CLIC6: variants seen among roughly 807,000 people sequenced by gnomAD.
CLIC6 encodes CLIC family member 6.
A neutral mutation model predicts 49.2 loss-of-function variants in CLIC6; 39 were observed. The ratio of observed to expected loss-of-function variants is 0.79; its 90% CI spans 0.61 to 1.04. The LOEUF (loss-of-function observed/expected upper bound fraction) is 1.04. Ranked by LOEUF, CLIC6 falls within the 50% of genes least tolerant of loss-of-function variation. CLIC6 has a pLI of 0.00. For synonymous variants in CLIC6, 446 were observed against 433.4 expected (o/e 1.03, Z -0.36); for missense variants, 988 against 993.1 (o/e 0.99, Z 0.07).
intron 1 of CLIC6, among the ~76,000 whole-genome samples, chr21:34,693,640 A>G (rs1329380788): frequency 2.6e-5 from 4 of 152,206 alleles, no homozygotes; most frequent in African/African-American, 9.7e-5. Flanking sequence ...GCGAAAAATA[A>G]CCATGTGAAG....
intron 5 of CLIC6, among the ~76,000 whole-genome samples, chr21:34,715,619 A>C (rs2056081404): frequency 1.3e-5 from 2 of 152,240 alleles, no homozygotes; most frequent in South Asian, 2.1e-4. Context: ...AAACTGGTAC[A>C]GTCCCCAGTG....
intron 1 of CLIC6, among the ~76,000 whole-genome samples, chr21:34,676,954 A>T (rs1329064263): frequency 6.6e-6 from 1 of 152,052 alleles, no homozygotes; most frequent in African/African-American, 2.4e-5. Flanking sequence ...TTGATTTATA[A>T]AGTGGGCCCT....
At chr21:34,686,571 T>G (rs1293926491) in intron 1 of CLIC6, among the ~76,000 whole-genome samples, 1 of 152,222 alleles carries the variant, frequency 6.6e-6, no homozygotes, top group African/African-American at 2.4e-5. Context: ...CCTTAGTGAC[T>G]ACTTCGTAAC....
At chr21:34,707,827 C>T (rs2056026131) in intron 2 of CLIC6, 117 bp from the exon 3 acceptor site, 1 of 1,026,830 alleles carries the variant, frequency 9.7e-7, no homozygotes, top group Admixed American at 2.3e-5. Context: ...AACCCACCAT[C>T]TACTTTGCAG....
chr21:34,712,305 C>G (rs2056061995), intron 5 of CLIC6, among the ~76,000 whole-genome samples: 1 of 152,116 alleles, frequency 6.6e-6, no homozygotes, highest in Non-Finnish European at 1.5e-5. Flanking sequence ...AGAAACCCAG[C>G]AAAAACAATA....
chr21:34,695,805 T>G (rs1055179613), intron 1 of CLIC6, among the ~76,000 whole-genome samples: 43 of 152,232 alleles, frequency 2.8e-4, no homozygotes, highest in African/African-American at 9.6e-4. Flanking sequence ...CCTTAAAAAA[T>G]TCCAGACCCA....
Position 34,670,291 on chromosome 21 carries a change from C to T in CLIC6, c.903C>T (p.Asp301=). The change falls in exon 1 of 6, where the codon GAC becomes GAT. Residue 301 remains aspartate (D), a synonymous_variant. Transcript: ENST00000349499. ...RVSGEPQQSG[D]GSLSPQAEAI... is the part of the protein sequence containing the mutation. ...CGGGTGAGCCGCAGCAATCGGGGGA[C>T]GGCAGCCTCTCGCCCCAGGCCGAGG... The T allele has an allele frequency of 6.9e-7, 1 of 1,442,242 alleles. No individual in the cohort carries two copies. The allele number at this position is 1,442,242 out of a possible 1,614,324, so 89.3% of individuals were successfully genotyped here. A position where few individuals can be genotyped will look rare whatever the true frequency, so the allele number is the denominator to read the frequency against.
Position 34,707,942 on chromosome 21 carries a change from A to G in CLIC6, c.1485-2A>G, listed in dbSNP as rs761484453. The stretch of plus-strand genomic sequence containing the variant: ...TAAACACTGCTGTTTCCTCCCACCT[A>G]GGAAACCCGCAGACCTGCAGAACCT... On this transcript the variant is annotated splice_acceptor_variant, in intron 2 of 5. Transcript: ENST00000349499. LOFTEE classifies it high-confidence loss of function. 2 of 1,613,954 alleles carry G rather than the reference A, an allele frequency of 1.2e-6. No individual in the cohort carries two copies. The highest frequency in any genetic ancestry group is 1.7e-6 in the Non-Finnish European group (2 of 1,179,920).
At chr21:34,681,858 C>G (rs1034679701) in intron 1 of CLIC6, among the ~76,000 whole-genome samples, 8 of 152,288 alleles carry the variant, frequency 5.3e-5, no homozygotes, top group African/African-American at 1.7e-4. Flanking sequence ...AAAGAAAAGG[C>G]AAAGAATTTG....
chr21:34,708,748 T>A lies in CLIC6; in HGVS notation c.1659T>A (p.Asn553Lys), dbSNP rs1332623984. 6.2e-7 allele frequency: 1 copy of A among 1,614,202 alleles called. No homozygotes were observed. The highest frequency in any genetic ancestry group is 1.1e-5 in the South Asian group (1 of 91,084). ...ATCCCGAATCTAATTCCGCAGGAAA[T>A]GACGTGTTTGCCAAATTCTCAGCGT... is the stretch of plus-strand genomic sequence containing the variant. The part of the protein sequence containing the change: ...TQHPESNSAG[N>K]DVFAKFSAFI... Residue 553 changes from asparagine to lysine, a missense_variant, in exon 4 of 6, where the codon AAT becomes AAA. By Grantham distance (94) the Asn-to-Lys change is moderately conservative. Coordinates refer to ENST00000349499, the MANE Select transcript of CLIC6 (RefSeq NM_053277.3).
At position 34,707,371 on chromosome 21, in the gene CLIC6, C is replaced by T. The variant is rs1268261381; in HGVS notation, c.1466C>T (p.Thr489Ile). 1 of 1,611,312 alleles carries T rather than the reference C, an allele frequency of 6.2e-7. No individual in the cohort carries two copies. The highest frequency in any genetic ancestry group is 1.3e-5 in the African/African-American group (1 of 74,602). The change falls in exon 2 of 6, where the codon ACC becomes ATC. Residue 489 changes from threonine (T) to isoleucine (I), a missense_variant. Thr to Ile is a moderately conservative substitution (Grantham distance 89, BLOSUM62 -1). This residue lies in a region of CLIC6 where 647 missense variants were observed against 596.9 expected (regional missense o/e 1.08). Coordinates refer to ENST00000349499, the MANE Select transcript of CLIC6 (RefSeq NM_053277.3). ...CTGAAAGGCGTTATATTTAATGTGACCACAGTGGACCTGAAAAGGTAAGAC... is the reference window on the plus strand; with the variant it reads ...CTGAAAGGCGTTATATTTAATGTGATCACAGTGGACCTGAAAAGGTAAGAC... ...LWLKGVIFNV[T>I]TVDLKRKPAD...
chr21:34,706,622 G>A (rs2056016438), intron 1 of CLIC6, among the ~76,000 whole-genome samples: 1 of 152,120 alleles, frequency 6.6e-6, no homozygotes, highest in South Asian at 2.1e-4. Flanking sequence ...GACATCTGCT[G>A]TTGACTTCCA....
At chr21:34,691,433 G>T (rs1024935846) in intron 1 of CLIC6, among the ~76,000 whole-genome samples, 3 of 151,854 alleles carry the variant, frequency 2.0e-5, no homozygotes, top group African/African-American at 7.3e-5. Flanking sequence ...TGCACTCCTG[G>T]TTGATTCTTT....
chr21:34,715,694 T>A lies in CLIC6; in HGVS notation c.1900-627T>A, dbSNP rs117808594. 1.9e-4 allele frequency among the ~76,000 whole-genome samples: 29 copies of A among 152,364 alleles called. No homozygotes were observed. In the East Asian group the frequency reaches 5.6e-3, roughly 29 times the overall value. On this transcript the variant is annotated intron_variant, in intron 5 of 5. Transcript: ENST00000349499. ...TCTTGCTAGAGGAAGTATCTCACAC[T>A]GCTGTGTTTCTCTTGGTGCTGTCTC...
At position 34,669,547 on chromosome 21, in the gene CLIC6, CGCCGCCG is replaced by C; in HGVS notation, c.160_166del (p.Ala54LeufsTer2). Reference sequence around the variant, plus strand: ...AGGGCGCAGAGGAGGCGCCGAGGGGCGCCGCCGCTGTGAAGGAGGCAGGAGGCGGCGG... The same window carrying C: ...AGGGCGCAGAGGAGGCGCCGAGGGGCCTGTGAAGGAGGCAGGAGGCGGCGG... On this transcript the variant is annotated frameshift_variant, in exon 1 of 6. Transcript: ENST00000349499. LOFTEE classifies it high-confidence loss of function. The C allele has an allele frequency of 8.0e-7, 1 of 1,244,106 alleles. No homozygotes were observed. Among genetic ancestry groups the C allele is most frequent in the Non-Finnish European group, 1.0e-6 (1 of 996,012 alleles). The allele number at this position is 1,244,106 out of a possible 1,614,324, so 77.1% of individuals were successfully genotyped here. A position where few individuals can be genotyped will look rare whatever the true frequency, so the allele number is the denominator to read the frequency against.
chr21:34,697,665 G>T (rs184550391), intron 1 of CLIC6, among the ~76,000 whole-genome samples: 1 of 152,344 alleles, frequency 6.6e-6, no homozygotes, highest in Non-Finnish European at 1.5e-5. Flanking sequence ...CAGGACTTAG[G>T]GGGAGATGGT....
chr21:34,699,999 C>T (rs1990158216), intron 1 of CLIC6, among the ~76,000 whole-genome samples: 1 of 151,978 alleles, frequency 6.6e-6, no homozygotes, highest in Non-Finnish European at 1.5e-5. Flanking sequence ...TTTTTTAAGC[C>T]GGCTGGAGCC....
At position 34,670,587 on chromosome 21, in the gene CLIC6, G is replaced by C; in HGVS notation, c.1199G>C (p.Gly400Ala). The change falls in exon 1 of 6, where the codon GGG becomes GCG. Residue 400 changes from glycine (G) to alanine (A), a missense_variant. Physicochemically the swap from Gly to Ala is moderately conservative, Grantham distance 60 (BLOSUM62 0). Transcript: ENST00000349499. ...GAATCCCCCGACAGCAGCCCACATG[G>C]GGAGGCCTCCAGGGGCGCCGCGGAG... is the stretch of plus-strand genomic sequence containing the variant. ...EEESPDSSPHGEASRGAAEPE... is the reference protein window; with the variant it reads ...EEESPDSSPHAEASRGAAEPE... 3 of 1,528,632 alleles carry C rather than the reference G, an allele frequency of 2.0e-6. No homozygotes were observed. Among genetic ancestry groups the C allele is most frequent in the Non-Finnish European group, 1.8e-6 (2 of 1,138,254 alleles). The allele number at this position is 1,528,632 out of a possible 1,614,324, so 94.7% of individuals were successfully genotyped here.
At chr21:34,715,232 AATTCCTGTGTTGAG>A (rs2056079501) in intron 5 of CLIC6, among the ~76,000 whole-genome samples, 1 of 152,206 alleles carries the variant, frequency 6.6e-6, no homozygotes, top group Admixed American at 6.5e-5. Flanking sequence ...CCCTCCTCCC[AATTCCTGTGTTGAG>A]ATCCTAACCC....
Sources: gnomAD v4.1 joint callset for allele counts (sites outside exome capture counted in the v4.1 genomes callset) on GRCh38, gnomAD v4.1.1 for gene constraint, gnomAD v4.1.1 regional missense constraint, MANE v1.5 for transcripts, NCBI Gene and HGNC (gene_info 2026-07-23, HGNC 2026-07-21) for gene names.